KTN1: variants seen among roughly 807,000 people sequenced by gnomAD.
KTN1 encodes kinectin 1.
KTN1 carries 130 observed loss-of-function variants against 222.5 expected under a neutral mutation model. The ratio of observed to expected loss-of-function variants is 0.58; its 90% confidence interval spans 0.51 to 0.68. The LOEUF is 0.68. KTN1 is among the 30% of genes least tolerant of loss of function. The pLI, the probability that KTN1 is intolerant of heterozygous loss-of-function variation, is 0.00. For missense variants in KTN1, 1,508 were observed against 1,500.4 expected (o/e 1.01, Z -0.08); for synonymous variants, 512 against 496.3 (o/e 1.03, Z -0.42).
rs1189413336 is a variant in KTN1 at position 55,684,034 on chromosome 14, T to C, written c.4070-65T>C. On this transcript the variant is annotated intron_variant, in intron 43 of 43. Transcript: ENST00000395314. ...ATATGTACTTTTGGTGTTTGACAAA[T>C]GTCTTCTGATTGCCTTCTGTTGCTT... 1.1e-5 allele frequency: 16 copies of C among 1,444,810 alleles called. No homozygotes were observed. In the East Asian group the frequency reaches 3.7e-4, roughly 33 times the overall value. The allele number at this position is 1,444,810 out of a possible 1,614,324, so 89.5% of individuals were successfully genotyped here. A position where few individuals can be genotyped will look rare whatever the true frequency, so the allele number is the denominator to read the frequency against.
In KTN1 at chr14:55,673,192, AT is replaced by A; in HGVS notation, c.3710del (p.Leu1237CysfsTer13). 6.2e-7 allele frequency: 1 copy of A among 1,613,058 alleles called. No homozygotes were observed. The highest frequency in any genetic ancestry group is 8.5e-7 in the Non-Finnish European group (1 of 1,179,292). ...TGCAGCTGAAAGATCTGTTGACTGA[AT>A]TGCAGAAAAAACTTGATGATTCATA... is the stretch of plus-strand genomic sequence containing the variant. ...VRELKDLLTE[L>X]QKKLDDSYSE... On this transcript the variant is annotated frameshift_variant, in exon 40 of 44. Transcript: ENST00000395314. LOFTEE classifies it high-confidence loss of function.
At chr14:55,591,162 G>C (rs1555356236) in intron 1 of KTN1, among the ~76,000 whole-genome samples, 1 of 151,484 alleles carries the variant, frequency 6.6e-6, no homozygotes, top group Non-Finnish European at 1.5e-5. Context: ...CTAGGATAGT[G>C]TTTTTTTTCA....
intron 7 of KTN1, among the ~76,000 whole-genome samples, chr14:55,631,341 G>GAGATATATATATATATAT (rs71448461): frequency 8.7e-5 from 10 of 114,708 alleles, no homozygotes; most frequent in South Asian, 2.9e-4. Flanking sequence ...TGATAAGGTT[G>GAGATATATATATATATAT]ATATATATAT....
intron 1 of KTN1, among the ~76,000 whole-genome samples, chr14:55,610,269 G>C (rs1239172930): frequency 6.6e-6 from 1 of 152,152 alleles, no homozygotes; most frequent in South Asian, 2.1e-4. Flanking sequence ...AAGTCCTGGA[G>C]TACTGTGGAA....
chr14:55,637,765 G>C lies in KTN1; in HGVS notation c.1717-14G>C. On this transcript the variant is annotated splice_polypyrimidine_tract_variant and intron_variant, in intron 11 of 43. Coordinates refer to ENST00000395314, the MANE Select transcript of KTN1 (RefSeq NM_001079521.2). ...TAGCATGCTTTTTCTCTTTTTGGTT[G>C]CTATTTATGAAAGGATATTTTGGAG... 1 of 1,596,542 alleles carries C rather than the reference G, an allele frequency of 6.3e-7. No homozygotes were observed. The highest frequency in any genetic ancestry group is 8.6e-7 in the Non-Finnish European group (1 of 1,168,144).
intron 43 of KTN1, chr14:55,680,858 A>G: frequency 2.2e-6 from 1 of 463,278 alleles, no homozygotes; most frequent in South Asian, 1.9e-5. Flanking sequence ...TGACTTCTCC[A>G]GTTTCCCAAT....
intron 1 of KTN1, among the ~76,000 whole-genome samples, chr14:55,602,803 A>C (rs981759982): frequency 6.6e-6 from 1 of 151,670 alleles, no homozygotes; most frequent in African/African-American, 2.4e-5. Context: ...ATGGTCTTGA[A>C]CTCTGGGCTC....
chr14:55,622,955 T>A (rs1162123066), intron 5 of KTN1, among the ~76,000 whole-genome samples: 1 of 152,320 alleles, frequency 6.6e-6, no homozygotes, highest in East Asian at 1.9e-4. Flanking sequence ...ATATGGAGTC[T>A]TCTCTGGTTC....
intron 1 of KTN1, among the ~76,000 whole-genome samples, chr14:55,591,009 A>C (rs1194761634): frequency 6.6e-6 from 1 of 152,020 alleles, no homozygotes; most frequent in Non-Finnish European, 1.5e-5. Flanking sequence ...TGTAGCTCTA[A>C]CTCATTTGGC....
In KTN1 at chr14:55,612,199, A is replaced by G. The variant is rs760268093; in HGVS notation, c.151A>G (p.Lys51Glu). ...QKREQKLIPTKTDKKKAEKKK... is the reference protein window; with the variant it reads ...QKREQKLIPTETDKKKAEKKK... ...AAGAGAACAAAAGCTTATTCCTACCAAAACAGATAAAAAGAAAGCAGAAAA... is the reference window on the plus strand; with the variant it reads ...AAGAGAACAAAAGCTTATTCCTACCGAAACAGATAAAAAGAAAGCAGAAAA... The change falls in exon 2 of 44, where the codon AAA becomes GAA. Residue 51 changes from lysine (K) to glutamate (E), a missense_variant. Physicochemically the swap from Lys to Glu is moderately conservative, Grantham distance 56 (BLOSUM62 1). Transcript: ENST00000395314. The G allele has an allele frequency of 8.2e-6, 13 of 1,587,632 alleles. No individual in the cohort carries two copies. Among genetic ancestry groups the G allele is most frequent in the Non-Finnish European group, 9.4e-6 (11 of 1,173,374 alleles).
intron 20 of KTN1, 107 bp downstream of exon 20, chr14:55,648,222 C>A: frequency 2.0e-6 from 1 of 491,928 alleles, no homozygotes; most frequent in East Asian, 4.4e-5. Flanking sequence ...CTTAATAGTA[C>A]CTCTCACATT....
In KTN1 at chr14:55,637,334, C is replaced by T; in HGVS notation, c.1686C>T (p.Asn562=). The T allele has an allele frequency of 6.3e-7, 1 of 1,591,970 alleles. No homozygotes were observed. The highest frequency in any genetic ancestry group is 1.1e-5 in the South Asian group (1 of 87,142). ...TGGAATCAGAGCAGAAAAGGGTGAA[C>T]AAAGAAGAGTCTCTACAAATGCAGG... The part of the protein sequence containing the change: ...QLMESEQKRV[N]KEESLQMQVQ... The change falls in exon 11 of 44, where the codon AAC becomes AAT. Residue 562 remains asparagine, a synonymous_variant. Coordinates refer to ENST00000395314, the MANE Select transcript of KTN1 (RefSeq NM_001079521.2).
chr14:55,594,025 T>C (rs1456648134), intron 1 of KTN1, among the ~76,000 whole-genome samples: 1 of 152,212 alleles, frequency 6.6e-6, no homozygotes, highest in African/African-American at 2.4e-5. Flanking sequence ...TGAATTTTTA[T>C]TGCATTTCTC....
At chr14:55,634,458 T>C in intron 8 of KTN1, 68 bp from the exon 9 acceptor site, 1 of 1,397,650 alleles carries the variant, frequency 7.2e-7, no homozygotes, top group Non-Finnish European at 9.6e-7. Flanking sequence ...ACTAACAAAG[T>C]ATGTTTTGTT....
intron 43 of KTN1, chr14:55,681,340 TAA>T (rs1389259529): frequency 6.6e-6 from 1 of 152,284 alleles, no homozygotes; most frequent in Non-Finnish European, 1.5e-5. Context: ...CTTAAACAAT[TAA>T]AAGATTGCCT....
At chr14:55,584,102 A>T (rs1178596430) in intron 1 of KTN1, among the ~76,000 whole-genome samples, 1 of 152,174 alleles carries the variant, frequency 6.6e-6, no homozygotes, top group Non-Finnish European at 1.5e-5. Flanking sequence ...GGATCATATT[A>T]CTTATCTTCT....
chr14:55,641,766 G>C lies in KTN1; in HGVS notation c.2172+6G>C. 2 of 1,531,028 alleles carry C rather than the reference G, an allele frequency of 1.3e-6. No homozygotes were observed. The highest frequency in any genetic ancestry group is 1.8e-6 in the Non-Finnish European group (2 of 1,106,474). The allele number at this position is 1,531,028 out of a possible 1,614,324, so 94.8% of individuals were successfully genotyped here. On this transcript the variant is annotated splice_donor_region_variant and intron_variant, in intron 18 of 43. Coordinates refer to ENST00000395314, the MANE Select transcript of KTN1 (RefSeq NM_001079521.2). Reference sequence around the variant, plus strand: ...AGACTCTTGTTTCTGAACAGGTAAGGCTTTTCCTAAATTACAAAGTAGAAA... The same window carrying C: ...AGACTCTTGTTTCTGAACAGGTAAGCCTTTTCCTAAATTACAAAGTAGAAA...
intron 1 of KTN1, among the ~76,000 whole-genome samples, chr14:55,598,449 A>T (rs112739186): frequency 0.059 from 8,986 of 151,730 alleles, 376 homozygotes; most frequent in Non-Finnish European, 0.087. Flanking sequence ...AAAAAAAAAA[A>T]AAGAATATTG....
chr14:55,617,596 G>C (rs1048403604), intron 3 of KTN1, among the ~76,000 whole-genome samples: 3 of 152,124 alleles, frequency 2.0e-5, no homozygotes, highest in Non-Finnish European at 4.4e-5. Context: ...AGTTGGTAAA[G>C]TACCAACATA....
Sources: allele counts gnomAD v4.1 joint callset (sites outside exome capture counted in the v4.1 genomes callset), GRCh38; gene constraint gnomAD v4.1.1; transcripts MANE v1.5; gene names NCBI Gene and HGNC (gene_info 2026-07-23, HGNC 2026-07-21).